RIMBP2: variants seen among roughly 807,000 people sequenced by gnomAD.
RIMBP2 encodes RIMS binding protein 2.
Under a neutral mutation model 118.6 loss-of-function variants are expected in RIMBP2, and 48 were observed. The ratio of observed to expected loss-of-function variants is 0.40; its 90% CI spans 0.32 to 0.51. RIMBP2 has a LOEUF of 0.51. RIMBP2 is among the 20% of genes least tolerant of loss of function. The pLI, the probability that RIMBP2 is intolerant of heterozygous loss-of-function variation, is 0.41. For synonymous variants in RIMBP2, 762 were observed against 742.9 expected (o/e 1.03, Z -0.42); for missense variants, 1,551 against 1,768.3 (o/e 0.88, Z 2.20).
intron 2 of RIMBP2, among the ~76,000 whole-genome samples, chr12:130,552,535 C>G (rs376131725): frequency 3.3e-4 from 51 of 152,256 alleles, no homozygotes; most frequent in South Asian, 1.5e-3. Context: ...AATAGTACTC[C>G]ACTAAAATAT....
At position 130,442,857 on chromosome 12, in the gene RIMBP2, G is replaced by C. The variant is rs905848262; in HGVS notation, c.692-197C>G. The stretch of plus-strand genomic sequence containing the variant: ...CTAAAGAGCCAGCTCCTCCATCCCC[G>C]TGGCCCAGTCTTCTTTTCTCCATGA... On this transcript the variant is annotated intron_variant, in intron 10 of 22. Transcript: ENST00000690449. This position sits in a 1 kb window ranked among gnomAD's most constrained non-coding sequence, Gnocchi z 6.9. Among the ~76,000 whole-genome samples, 1 of 152,118 alleles carries C rather than the reference G, an allele frequency of 6.6e-6. No individual in the cohort carries two copies. The highest frequency in any genetic ancestry group is 1.5e-5 in the Non-Finnish European group (1 of 68,038).
intron 4 of RIMBP2, among the ~76,000 whole-genome samples, chr12:130,499,247 G>A (rs1252066658): frequency 6.6e-6 from 1 of 152,154 alleles, no homozygotes; most frequent in East Asian, 1.9e-4. Flanking sequence ...CCAACATTGA[G>A]AACTACAATT....
chr12:130,580,723 T>G (rs527683491), intron 2 of RIMBP2, among the ~76,000 whole-genome samples: 6 of 152,302 alleles, frequency 3.9e-5, no homozygotes, highest in Admixed American at 2.0e-4. Flanking sequence ...GCAGATCACT[T>G]GGGGTCAGAA....
At chr12:130,603,564 A>G (rs2059991301) in intron 2 of RIMBP2, among the ~76,000 whole-genome samples, 1 of 152,248 alleles carries the variant, frequency 6.6e-6, no homozygotes, top group South Asian at 2.1e-4. Flanking sequence ...CCATGTTTTT[A>G]TGGAGACTGA....
intron 12 of RIMBP2, 146 bp downstream of exon 12, chr12:130,438,219 G>T: frequency 1.2e-6 from 1 of 838,874 alleles, no homozygotes; most frequent in Non-Finnish European, 1.9e-6. Flanking sequence ...TGGGGTTCAC[G>T]CTGATGGAGT....
At chr12:130,541,904 C>T (rs2054643948) in intron 2 of RIMBP2, among the ~76,000 whole-genome samples, 1 of 152,220 alleles carries the variant, frequency 6.6e-6, no homozygotes, top group Non-Finnish European at 1.5e-5. Flanking sequence ...AGGTTCTCTT[C>T]TGAGCAAGCT....
At chr12:130,706,527 G>A (rs899357705) in intron 1 of RIMBP2, among the ~76,000 whole-genome samples, 1 of 152,220 alleles carries the variant, frequency 6.6e-6, no homozygotes, top group Non-Finnish European at 1.5e-5. Context: ...GCAGCTCCCC[G>A]CACAGATGCT....
chr12:130,664,416 C>CGT (rs1566438983), intron 1 of RIMBP2, among the ~76,000 whole-genome samples: 9 of 94,638 alleles, frequency 9.5e-5, no homozygotes, highest in East Asian at 5.9e-4. Flanking sequence ...CGCACGCACA[C>CGT]ACACGCACAC....
chr12:130,691,182 CT>C (rs2065292132), intron 1 of RIMBP2, among the ~76,000 whole-genome samples: 1 of 152,142 alleles, frequency 6.6e-6, no homozygotes, highest in Admixed American at 6.5e-5. Context: ...CCTTGTTTTC[CT>C]ACAGTAACTC....
At chr12:130,550,610 G>T (rs1363587786) in intron 2 of RIMBP2, among the ~76,000 whole-genome samples, 1 of 152,164 alleles carries the variant, frequency 6.6e-6, no homozygotes, top group Non-Finnish European at 1.5e-5. Context: ...GTTTATGTGA[G>T]TCTAAACGTA....
intron 2 of RIMBP2, among the ~76,000 whole-genome samples, chr12:130,610,769 C>A (rs563547523): frequency 6.6e-6 from 1 of 151,708 alleles, no homozygotes; most frequent in Admixed American, 6.6e-5. Flanking sequence ...ACCGTGTTAG[C>A]CAGGATGGTC....
rs1055898316 is a variant in RIMBP2, at chr12:130,576,508, C to T, written c.-217+51814G>A. Among the ~76,000 whole-genome samples, 1 of 152,144 alleles carries T rather than the reference C, an allele frequency of 6.6e-6. No individual in the cohort carries two copies. The highest frequency in any genetic ancestry group is 1.5e-5 in the Non-Finnish European group (1 of 68,020). On this transcript the variant is annotated intron_variant, in intron 2 of 22. Transcript: ENST00000690449. The surrounding 1 kb of genome is among the most constrained non-coding windows in gnomAD (Gnocchi z 4.2). ...CTCCTCCCGCGGGAAGCAGATGGCC[C>T]CTGCATGTGCACTTGCTCATACCCA...
chr12:130,603,364 G>A (rs1490526730), intron 2 of RIMBP2, among the ~76,000 whole-genome samples: 1 of 152,110 alleles, frequency 6.6e-6, no homozygotes, highest in Non-Finnish European at 1.5e-5. Flanking sequence ...TAACTTCAAC[G>A]GACTCAACAC....
In RIMBP2 at chr12:130,617,287, C is replaced by T. The variant is rs150659266; in HGVS notation, c.-217+11035G>A. On this transcript the variant is annotated intron_variant, in intron 2 of 22. Transcript: ENST00000690449. This position sits in a 1 kb window ranked among gnomAD's most constrained non-coding sequence, Gnocchi z 4.6. The stretch of plus-strand genomic sequence containing the variant: ...GCCCTGCAGCTGGGAGCTGCTGGAC[C>T]AGGCTTAGAACCCAGGTCCATCCTC... Among the ~76,000 whole-genome samples the T allele has an allele frequency of 2.6e-5, 4 of 152,304 alleles. No homozygotes were observed. Among genetic ancestry groups the T allele is most frequent in the Non-Finnish European group, 5.9e-5 (4 of 68,024 alleles).
rs76714835 is a variant in RIMBP2, at chr12:130,674,926, C to T, written c.-352+41296G>A. Among the ~76,000 whole-genome samples the T allele has an allele frequency of 6.7e-3, 1,026 of 152,292 alleles. 12 individuals carry two copies. The highest frequency in any genetic ancestry group is 0.024 in the African/African-American group (978 of 41,564). On this transcript the variant is annotated intron_variant, in intron 1 of 22. Coordinates refer to ENST00000690449, the MANE Select transcript of RIMBP2 (RefSeq NM_001393629.1). ...TCCGCAAGGTTCATCCGTGTGGTGG[C>T]GTGTGTCAGGCTTCATTCCTTTTCG...
In RIMBP2 at chr12:130,623,544, T is replaced by C. The variant is rs1455097222; in HGVS notation, c.-217+4778A>G. On this transcript the variant is annotated intron_variant, in intron 2 of 22. Coordinates refer to ENST00000690449, the MANE Select transcript of RIMBP2 (RefSeq NM_001393629.1). This position sits in a 1 kb window ranked among gnomAD's most constrained non-coding sequence, Gnocchi z 4.1. Reference sequence around the variant, plus strand: ...GGTTAGGGGACAGTTAGTTAACTGTTGTCATCTGTGTGTGCATCTACATAT... The same window carrying C: ...GGTTAGGGGACAGTTAGTTAACTGTCGTCATCTGTGTGTGCATCTACATAT... Among the ~76,000 whole-genome samples the C allele has an allele frequency of 6.6e-6, 1 of 152,184 alleles. No individual in the cohort carries two copies. Among genetic ancestry groups the C allele is most frequent in the Middle Eastern group, 3.2e-3 (1 of 316 alleles).
chr12:130,454,249 T>A (rs1390174126), intron 7 of RIMBP2, among the ~76,000 whole-genome samples: 1 of 152,250 alleles, frequency 6.6e-6, no homozygotes, highest in African/African-American at 2.4e-5. Flanking sequence ...GTTGTATACC[T>A]TAAATATGTA....
At chr12:130,441,581 A>C (rs2078146116) in intron 11 of RIMBP2, among the ~76,000 whole-genome samples, 2 of 152,120 alleles carry the variant, frequency 1.3e-5, no homozygotes, top group South Asian at 4.1e-4. Flanking sequence ...GGGGGGACTC[A>C]CTTCCCTCCT....
At chr12:130,438,335 A>AGCCCCCCCCCCCCC in intron 12 of RIMBP2, 30 bp downstream of exon 12, 12 of 864,988 alleles carry the variant, frequency 1.4e-5, no homozygotes, top group Non-Finnish European at 1.9e-5. Context: ...GGCCTAACAA[A>AGCCCCCCCCCCCCC]CCCTCCCCAC....
Sources: allele counts gnomAD v4.1 joint callset (sites outside exome capture counted in the v4.1 genomes callset), GRCh38; gene constraint gnomAD v4.1.1; non-coding constraint Gnocchi (gnomAD v3.1); transcripts MANE v1.5; gene names NCBI Gene and HGNC (gene_info 2026-07-23, HGNC 2026-07-21).